RAPGEF6: variants seen among roughly 807,000 people sequenced by gnomAD.
The protein encoded by RAPGEF6 is PDZ domain containing guanine nucleotide exchange factor (GEF) 2.
In RAPGEF6, 56 loss-of-function variants were observed where a neutral mutation model predicts 171.4. The observed-to-expected ratio is 0.33, with a 90% CI of 0.26 to 0.41. RAPGEF6 has a LOEUF of 0.41. Among genes scored for constraint, RAPGEF6 ranks in the 10% least tolerant of loss-of-function variants. The pLI is 1.00. For missense variants in RAPGEF6, 1,674 were observed against 1,921.4 expected (o/e 0.87, Z 2.41); for synonymous variants, 692 against 650.1 (o/e 1.06, Z -0.98).
chr5:131,522,115 C>T (rs1245805735), intron 6 of RAPGEF6, among the ~76,000 whole-genome samples: 6 of 152,092 alleles, frequency 3.9e-5, no homozygotes, highest in Non-Finnish European at 8.8e-5. Flanking sequence ...TGAGAGATTT[C>T]TTAGTAATCA....
chr5:131,442,294 T>C (rs1752435064), intron 23 of RAPGEF6, 55 bp downstream of exon 23: 2 of 1,484,388 alleles, frequency 1.3e-6, no homozygotes, highest in Non-Finnish European at 1.8e-6. Context: ...TTTTTCACTC[T>C]AACTCCCCTG....
At chr5:131,464,365 TCCC>T in intron 17 of RAPGEF6, 84 bp from the exon 18 acceptor site, 1 of 1,024,066 alleles carries the variant, frequency 9.8e-7, no homozygotes, top group Non-Finnish European at 1.5e-6. Context: ...AACACAGTGA[TCCC>T]TCTGAACACT....
intron 21 of RAPGEF6, chr5:131,447,495 A>T (rs906633457): frequency 1.3e-5 from 2 of 152,232 alleles, no homozygotes; most frequent in East Asian, 3.8e-4. Flanking sequence ...TTTGGCAAAC[A>T]TCCTACAACG....
intron 6 of RAPGEF6, among the ~76,000 whole-genome samples, chr5:131,545,336 C>T (rs1041666003): frequency 4.0e-5 from 6 of 151,604 alleles, no homozygotes; most frequent in Non-Finnish European, 8.8e-5. Context: ...TGATAAACAA[C>T]AGTTAACATC....
At chr5:131,570,131 T>C (rs1212888112) in intron 4 of RAPGEF6, among the ~76,000 whole-genome samples, 1 of 122,546 alleles carries the variant, frequency 8.2e-6, no homozygotes, top group African/African-American at 3.1e-5. Flanking sequence ...GGATCCAAAA[T>C]AGATACATTC....
intron 7 of RAPGEF6, among the ~76,000 whole-genome samples, chr5:131,513,787 C>T (rs1012865055): frequency 6.6e-6 from 1 of 152,156 alleles, no homozygotes; most frequent in African/African-American, 2.4e-5. Flanking sequence ...GCATGCAGAT[C>T]GCTTGAGCCT....
At chr5:131,490,274 G>A (rs1283935318) in intron 14 of RAPGEF6, among the ~76,000 whole-genome samples, 1 of 151,818 alleles carries the variant, frequency 6.6e-6, no homozygotes, top group Non-Finnish European at 1.5e-5. Context: ...AAGATATAAT[G>A]AGCAAAAACT....
chr5:131,512,478 A>T (rs1326368948), intron 7 of RAPGEF6, among the ~76,000 whole-genome samples: 1 of 151,772 alleles, frequency 6.6e-6, no homozygotes, highest in Non-Finnish European at 1.5e-5. Context: ...CTAGGACCAC[A>T]GGCACTGGCC....
At chr5:131,592,632 C>A (rs1763661890) in intron 3 of RAPGEF6, among the ~76,000 whole-genome samples, 166 bp from the exon 4 acceptor site, 1 of 152,122 alleles carries the variant, frequency 6.6e-6, no homozygotes, top group South Asian at 2.1e-4. Context: ...TTTATACAGA[C>A]CACGTTTATG....
At chr5:131,497,901 A>G (rs189177609) in intron 12 of RAPGEF6, among the ~76,000 whole-genome samples, 69 of 152,352 alleles carry the variant, frequency 4.5e-4, no homozygotes, top group African/African-American at 1.6e-3. Context: ...TAATTTATTT[A>G]AAATAGTGAA....
At chr5:131,485,277 A>C (rs1755808945) in intron 15 of RAPGEF6, among the ~76,000 whole-genome samples, 1 of 152,200 alleles carries the variant, frequency 6.6e-6, no homozygotes, top group African/African-American at 2.4e-5. Flanking sequence ...CAAGAGGAAT[A>C]AGTTAAAATT....
chr5:131,564,112 A>G (rs1761777462), intron 4 of RAPGEF6, among the ~76,000 whole-genome samples: 1 of 152,248 alleles, frequency 6.6e-6, no homozygotes, highest in African/African-American at 2.4e-5. Flanking sequence ...AGCGTAACAC[A>G]GCCTGACAAT....
chr5:131,562,108 G>A (rs918252605), intron 4 of RAPGEF6, 61 bp from the exon 5 acceptor site: 126 of 1,111,232 alleles, frequency 1.1e-4, no homozygotes, highest in South Asian at 1.9e-4. Flanking sequence ...ATCAATATAG[G>A]AAAAGAAAAC....
chr5:131,465,397 A>G lies in RAPGEF6; in HGVS notation c.2240-1116T>C, dbSNP rs571630561. ...ATAAGCTAATATTTAATATAATTAA[A>G]TTTAAGTGAAAAGTGACTTTATAGC... On this transcript the variant is annotated intron_variant, in intron 17 of 27. Transcript: ENST00000509018. Among the ~76,000 whole-genome samples the G allele has an allele frequency of 1.1e-3, 171 of 152,294 alleles. 1 individual carries two copies. Among genetic ancestry groups the G allele is most frequent in the African/African-American group, 4.0e-3 (165 of 41,568 alleles).
At chr5:131,606,354 C>A (rs1461019447) in intron 1 of RAPGEF6, among the ~76,000 whole-genome samples, 1 of 125,052 alleles carries the variant, frequency 8.0e-6, no homozygotes, top group African/African-American at 3.1e-5. Context: ...ATTGAGACTC[C>A]ATCTCAAGGG....
At chr5:131,456,385 A>C (rs1200675584) in intron 19 of RAPGEF6, among the ~76,000 whole-genome samples, 5 of 152,228 alleles carry the variant, frequency 3.3e-5, no homozygotes, top group African/African-American at 1.2e-4. Flanking sequence ...AAGCGGTTTA[A>C]GTAATGCTGA....
At chr5:131,588,524 C>G (rs1472999129) in intron 4 of RAPGEF6, among the ~76,000 whole-genome samples, 1 of 152,102 alleles carries the variant, frequency 6.6e-6, no homozygotes, top group Admixed American at 6.5e-5. Flanking sequence ...AGGTGGATCA[C>G]TTGAGGTCAA....
chr5:131,618,739 G>A (rs2150031483), intron 1 of RAPGEF6, among the ~76,000 whole-genome samples: 1 of 152,340 alleles, frequency 6.6e-6, no homozygotes, highest in Middle Eastern at 3.4e-3. Flanking sequence ...TAAAACCACT[G>A]TTGGAGAACA....
intron 27 of RAPGEF6, among the ~76,000 whole-genome samples, chr5:131,427,742 TAAGAA>T (rs1246362846): frequency 6.6e-6 from 1 of 152,106 alleles, no homozygotes; most frequent in Non-Finnish European, 1.5e-5. Context: ...TCATCAAAGA[TAAGAA>T]TATTCCATTT....
Sources: allele counts gnomAD v4.1 joint callset (sites outside exome capture counted in the v4.1 genomes callset), GRCh38; gene constraint gnomAD v4.1.1; transcripts MANE v1.5; gene names NCBI Gene and HGNC (gene_info 2026-07-23, HGNC 2026-07-21).